GRIK2: variants seen among roughly 807,000 people sequenced by gnomAD.
GRIK2 encodes the protein glutamate ionotropic receptor kainate type subunit 2, also known as glutamate receptor ionotropic, kainate 2.
Under a neutral mutation model 100.3 loss-of-function variants are expected in GRIK2, and 32 were observed. The ratio of observed to expected loss-of-function variants is 0.32; its 90% CI spans 0.24 to 0.43. GRIK2 has a LOEUF of 0.43. GRIK2 is among the 20% of genes least tolerant of loss of function. GRIK2 has a pLI of 1.00. For synonymous variants in GRIK2, 417 were observed against 389.4 expected (o/e 1.07, Z -0.83); for missense variants, 843 against 1,114.9 (o/e 0.76, Z 3.47).
intron 14 of GRIK2, among the ~76,000 whole-genome samples, chr6:102,031,188 G>T (rs956893157): frequency 6.1e-5 from 9 of 148,090 alleles, no homozygotes; most frequent in Non-Finnish European, 1.2e-4. Flanking sequence ...TCCAAGTACT[G>T]TTTCCTTAGA....
At chr6:101,627,361 C>T (rs572401196) in intron 4 of GRIK2, among the ~76,000 whole-genome samples, 16 of 152,132 alleles carry the variant, frequency 1.1e-4, no homozygotes, top group African/African-American at 2.9e-4. Flanking sequence ...AGGCTGGTCT[C>T]GAACTCCTGA....
chr6:101,422,265 G>T (rs574747788), intron 2 of GRIK2, among the ~76,000 whole-genome samples: 12 of 152,168 alleles, frequency 7.9e-5, no homozygotes, highest in Admixed American at 2.6e-4. Context: ...TAATTCTAAA[G>T]GTTATGAAAT....
chr6:101,439,342 C>T (rs1289821715), intron 2 of GRIK2, among the ~76,000 whole-genome samples: 1 of 152,068 alleles, frequency 6.6e-6, no homozygotes, highest in Admixed American at 6.6e-5. Flanking sequence ...GAGGCCTTTA[C>T]CCTCAGAAAG....
intron 2 of GRIK2, among the ~76,000 whole-genome samples, chr6:101,584,894 T>C (rs1410217367): frequency 6.6e-6 from 1 of 151,894 alleles, no homozygotes; most frequent in East Asian, 1.9e-4. Flanking sequence ...CATAATCCTC[T>C]TTTATGTAGT....
chr6:101,404,292 T>G (rs1367795084), intron 2 of GRIK2, among the ~76,000 whole-genome samples: 2 of 152,236 alleles, frequency 1.3e-5, no homozygotes, highest in African/African-American at 4.8e-5. Context: ...ATACCATAGA[T>G]CAAACGATGA....
chr6:101,922,082 T>TCCTC (rs1789560366), intron 12 of GRIK2, among the ~76,000 whole-genome samples: 1 of 43,506 alleles, frequency 2.3e-5, no homozygotes, highest in Non-Finnish European at 4.6e-5. Flanking sequence ...TCCATTTCCT[T>TCCTC]CCTTCCTTCC....
At chr6:101,411,900 A>G (rs912265716) in intron 2 of GRIK2, among the ~76,000 whole-genome samples, 37 of 152,186 alleles carry the variant, frequency 2.4e-4, no homozygotes, top group Admixed American at 7.9e-4. Flanking sequence ...TCAATCTCCC[A>G]CACTAAAGGA....
chr6:101,884,252 AAT>A (rs2128454968), intron 11 of GRIK2, among the ~76,000 whole-genome samples: 1 of 152,246 alleles, frequency 6.6e-6, no homozygotes, highest in Admixed American at 6.6e-5. Flanking sequence ...AGTTAGAATA[AAT>A]ATTACCAATT....
At chr6:101,686,439 TA>T in intron 7 of GRIK2, 86 bp downstream of exon 7, 2 of 903,616 alleles carry the variant, frequency 2.2e-6, no homozygotes, top group Non-Finnish European at 3.4e-6. Context: ...TGCATACATA[TA>T]AACTTCAGTT....
At chr6:102,067,611 G>A (rs910899708) in intron 16 of GRIK2, among the ~76,000 whole-genome samples, 1 of 151,746 alleles carries the variant, frequency 6.6e-6, no homozygotes. Flanking sequence ...TATTTCCAAT[G>A]AGATGGGAAC....
intron 13 of GRIK2, among the ~76,000 whole-genome samples, chr6:101,925,660 A>C (rs2039855): frequency 0.84 from 127,091 of 151,650 alleles, 53,345 homozygotes; most frequent in East Asian, 0.92. Flanking sequence ...AGAAAAAAAA[A>C]CATATTTCTT....
At chr6:101,542,335 G>A in intron 2 of GRIK2, among the ~76,000 whole-genome samples, 1 of 151,966 alleles carries the variant, frequency 6.6e-6, no homozygotes, top group African/African-American at 2.4e-5. Flanking sequence ...AAAACAAATT[G>A]CATATATATT....
At chr6:101,582,682 G>T (rs111773538) in intron 2 of GRIK2, among the ~76,000 whole-genome samples, 2 of 152,074 alleles carry the variant, frequency 1.3e-5, no homozygotes, top group African/African-American at 2.4e-5. Flanking sequence ...ATGAAAACAC[G>T]TTGGTAATGT....
intron 7 of GRIK2, among the ~76,000 whole-genome samples, chr6:101,795,877 A>G (rs1325542616): frequency 1.3e-5 from 2 of 152,236 alleles, no homozygotes; most frequent in Admixed American, 1.3e-4. Flanking sequence ...TGCCCCAGGT[A>G]TAACAATGTA....
intron 4 of GRIK2, among the ~76,000 whole-genome samples, chr6:101,670,793 CATA>C (rs1770375147): frequency 1.3e-5 from 2 of 152,226 alleles, no homozygotes; most frequent in South Asian, 4.1e-4. Flanking sequence ...CCAATATAAA[CATA>C]ATGACAAACA....
intron 2 of GRIK2, among the ~76,000 whole-genome samples, chr6:101,585,600 T>G (rs930244355): frequency 2.0e-5 from 3 of 152,078 alleles, no homozygotes; most frequent in Admixed American, 6.6e-5. Flanking sequence ...AAAGAACACA[T>G]GCAATTGATG....
At chr6:101,918,375 T>C (rs1789258554) in intron 12 of GRIK2, among the ~76,000 whole-genome samples, 1 of 151,754 alleles carries the variant, frequency 6.6e-6, no homozygotes, top group African/African-American at 2.4e-5. Flanking sequence ...AGTTGTAATG[T>C]AGTTTGCCTG....
chr6:101,463,323 G>A (rs1487552055), intron 2 of GRIK2, among the ~76,000 whole-genome samples: 1 of 152,138 alleles, frequency 6.6e-6, no homozygotes, highest in Non-Finnish European at 1.5e-5. Context: ...CTTAATAAAT[G>A]CCTTATGATT....
intron 2 of GRIK2, among the ~76,000 whole-genome samples, chr6:101,581,272 A>G (rs1778079034): frequency 6.8e-6 from 1 of 148,132 alleles, no homozygotes; most frequent in Non-Finnish European, 1.5e-5. Context: ...CTACACGTGT[A>G]TACATGTATA....
Sources: gnomAD v4.1 joint callset for allele counts (sites outside exome capture counted in the v4.1 genomes callset) on GRCh38, gnomAD v4.1.1 for gene constraint, MANE v1.5 for transcripts, NCBI Gene and HGNC (gene_info 2026-07-23, HGNC 2026-07-21) for gene names.